The following STOX2 variants were observed in gnomAD, a reference collection of about 807,000 sequenced individuals.
STOX2 encodes the protein storkhead box 2, also known as storkhead-box protein 2.
Under a neutral mutation model 60.9 loss-of-function variants are expected in STOX2, and 28 were observed. That is an observed-to-expected ratio of 0.46 (90% CI 0.34 to 0.63). The LOEUF (loss-of-function observed/expected upper bound fraction) is 0.63, where lower values mean the gene tolerates loss of function less well. STOX2 is among the 30% of genes least tolerant of loss of function. STOX2 has a pLI of 0.01. For missense variants in STOX2, 1,024 were observed against 1,187.7 expected (o/e 0.86, Z 2.03); for synonymous variants, 472 against 463.9 (o/e 1.02, Z -0.22).
chr4:183,819,409 G>A (rs1739249020), intron 1 of STOX2, among the ~76,000 whole-genome samples: 1 of 151,904 alleles, frequency 6.6e-6, no homozygotes, highest in Non-Finnish European at 1.5e-5. Context: ...GTCAGGCATG[G>A]CGGCGCGCGC....
chr4:183,840,640 G>T (rs1340439703), intron 1 of STOX2, among the ~76,000 whole-genome samples: 2 of 152,162 alleles, frequency 1.3e-5, no homozygotes, highest in Non-Finnish European at 2.9e-5. Context: ...AGAAATCCTT[G>T]TAGGATAATT....
At position 183,895,432 on chromosome 4, in the gene STOX2, T is replaced by C. The variant is rs1178016592; in HGVS notation, c.364+97377T>C. Among the ~76,000 whole-genome samples the C allele has an allele frequency of 2.6e-5, 4 of 152,216 alleles. No homozygotes were observed. In the South Asian group the frequency reaches 6.2e-4, roughly 24 times the overall value. ...AATGAGCACATTGTGGCACACTTTA[T>C]TGAGGGCCTATTTTTTGAAAGGCAC... On this transcript the variant is annotated intron_variant, in intron 1 of 2. Coordinates refer to the STOX2 transcript ENST00000513034.
At chr4:183,985,989 G>T (rs561230206) in intron 1 of STOX2, among the ~76,000 whole-genome samples, 17 of 152,262 alleles carry the variant, frequency 1.1e-4, no homozygotes, top group African/African-American at 3.9e-4. Flanking sequence ...GATGAAAGGC[G>T]AGTGGCTTTG....
At chr4:183,850,560 C>T (rs1740093952) in intron 1 of STOX2, among the ~76,000 whole-genome samples, 1 of 151,902 alleles carries the variant, frequency 6.6e-6, no homozygotes, top group South Asian at 2.1e-4. Flanking sequence ...GAAACCCCGT[C>T]TCTACTAAAA....
intron 1 of STOX2, among the ~76,000 whole-genome samples, chr4:183,814,018 A>G (rs1739096894): frequency 6.6e-6 from 1 of 152,202 alleles, no homozygotes; most frequent in African/African-American, 2.4e-5. Flanking sequence ...TATTTGTAAT[A>G]TTGTCTTAGA....
At chr4:183,919,719 C>T (rs569696061) in intron 1 of STOX2, among the ~76,000 whole-genome samples, 1 of 152,076 alleles carries the variant, frequency 6.6e-6, no homozygotes, top group African/African-American at 2.4e-5. Flanking sequence ...AATCCTCCCC[C>T]CTCGGCCTCC....
chr4:183,815,671 G>C (rs1739137569), intron 1 of STOX2, among the ~76,000 whole-genome samples: 1 of 152,210 alleles, frequency 6.6e-6, no homozygotes, highest in Non-Finnish European at 1.5e-5. Context: ...AGAGTGAAGT[G>C]AGATATTAAT....
intron 1 of STOX2, among the ~76,000 whole-genome samples, chr4:183,850,591 T>C (rs1455006491): frequency 1.3e-5 from 2 of 151,974 alleles, no homozygotes; most frequent in East Asian, 3.9e-4. Flanking sequence ...TAGCTGGGCT[T>C]GGTGGCAGGT....
chr4:183,933,532 G>C (rs1742497952), intron 1 of STOX2, among the ~76,000 whole-genome samples: 1 of 152,216 alleles, frequency 6.6e-6, no homozygotes, highest in Admixed American at 6.5e-5. Flanking sequence ...GGGATTACAG[G>C]CGCCCGCCAC....
intron 1 of STOX2, among the ~76,000 whole-genome samples, chr4:183,885,587 A>G (rs930338952): frequency 6.6e-6 from 1 of 152,154 alleles, no homozygotes; most frequent in Non-Finnish European, 1.5e-5. Flanking sequence ...AGGAAGAAAG[A>G]GGAAATGCCT....
intron 1 of STOX2, among the ~76,000 whole-genome samples, chr4:183,860,183 A>T (rs1740398431): frequency 6.6e-6 from 1 of 151,974 alleles, no homozygotes; most frequent in Admixed American, 6.6e-5. Flanking sequence ...GTAAAGGGAG[A>T]TGAGGAATGA....
In STOX2 at chr4:183,831,913, C is replaced by A. The variant is rs182368028; in HGVS notation, c.364+33858C>A. 2.4e-4 allele frequency among the ~76,000 whole-genome samples: 36 copies of A among 152,070 alleles called. No individual in the cohort carries two copies. The East Asian group carries it at 6.8e-3, about 29-fold the overall frequency. On this transcript the variant is annotated intron_variant, in intron 1 of 2. Transcript: ENST00000513034. The stretch of plus-strand genomic sequence containing the variant: ...CTGCCCAATTTTTCCTGTTTCCAGG[C>A]TTTAGTCCCCTTCTCGGCCCCTCCC...
At chr4:183,861,936 C>G (rs971892270) in intron 1 of STOX2, among the ~76,000 whole-genome samples, 8 of 152,154 alleles carry the variant, frequency 5.3e-5, no homozygotes, top group African/African-American at 1.9e-4. Context: ...ATTACAGGAT[C>G]ACAGGAGCCT....
At position 183,886,109 on chromosome 4, in the gene STOX2, A is replaced by AG. The variant is rs1741074588; in HGVS notation, c.364+88054_364+88055insG. Among the ~76,000 whole-genome samples, 5 of 100,744 alleles carry AG rather than the reference A, an allele frequency of 5.0e-5. 1 individual carries two copies. Among genetic ancestry groups the AG allele is most frequent in the African/African-American group, 2.3e-4 (5 of 21,502 alleles). The allele number at this position is 100,744 out of a possible 152,430, so 66.1% of individuals were successfully genotyped here. On this transcript the variant is annotated intron_variant, in intron 1 of 2. Coordinates refer to the STOX2 transcript ENST00000513034. ...TTGCTGGATGGTGTAGGCAGATGCA[A>AG]AATCAGGAGGGTGAAGGTTCAGATG...
chr4:183,807,764 G>T (rs1342646718), intron 1 of STOX2, among the ~76,000 whole-genome samples: 2 of 152,192 alleles, frequency 1.3e-5, no homozygotes, highest in Non-Finnish European at 2.9e-5. Flanking sequence ...CTGTCAGCAG[G>T]GAGATGGGAG....
chr4:183,914,413 G>C (rs1579409901), intron 1 of STOX2, among the ~76,000 whole-genome samples: 1 of 152,132 alleles, frequency 6.6e-6, no homozygotes, highest in African/African-American at 2.4e-5. Flanking sequence ...ACTCCAGCCT[G>C]GTTGACAGAA....
intron 1 of STOX2, among the ~76,000 whole-genome samples, chr4:183,965,579 T>G (rs1217135528): frequency 6.6e-6 from 1 of 152,216 alleles, no homozygotes; most frequent in East Asian, 1.9e-4. Flanking sequence ...TGTAATGTCC[T>G]TAGTTTTATC....
At chr4:183,823,266 G>C (rs1006777665) in intron 1 of STOX2, among the ~76,000 whole-genome samples, 8 of 152,092 alleles carry the variant, frequency 5.3e-5, no homozygotes, top group Non-Finnish European at 5.9e-5. Context: ...TGTGGTGGTG[G>C]ATGCCTGTAG....
At chr4:183,961,320 A>T (rs1278227954) in intron 1 of STOX2, among the ~76,000 whole-genome samples, 1 of 152,070 alleles carries the variant, frequency 6.6e-6, no homozygotes, top group African/African-American at 2.4e-5. Flanking sequence ...AAAAGCATAA[A>T]CAAAGAATAA....
Sources: gnomAD v4.1 joint callset for allele counts (sites outside exome capture counted in the v4.1 genomes callset) on GRCh38, gnomAD v4.1.1 for gene constraint, MANE v1.5 for transcripts, NCBI Gene and HGNC (gene_info 2026-07-23, HGNC 2026-07-21) for gene names.